Variants in GMDS observed in about 807,000 individuals in gnomAD.
GMDS encodes the protein GDP-mannose 4,6 dehydratase.
In GMDS, 20 loss-of-function variants were observed where a neutral mutation model predicts 49.9. The observed-to-expected ratio is 0.40, with a 90% CI of 0.28 to 0.58. The LOEUF (loss-of-function observed/expected upper bound fraction) is 0.58. Ranked by LOEUF, GMDS falls within the 20% of genes least tolerant of loss-of-function variation. GMDS has a pLI of 0.42. For missense variants in GMDS, 362 were observed against 481.4 expected (o/e 0.75, Z 2.32); for synonymous variants, 177 against 178.6 (o/e 0.99, Z 0.07).
At chr6:1,807,523 C>CA (rs1770230907) in intron 7 of GMDS, among the ~76,000 whole-genome samples, 2 of 152,164 alleles carry the variant, frequency 1.3e-5, no homozygotes, top group South Asian at 4.1e-4. Context: ...AAACTGTGTC[C>CA]ATTTTTCACC....
intron 7 of GMDS, among the ~76,000 whole-genome samples, chr6:1,907,454 G>A (rs1333311843): frequency 2.0e-5 from 3 of 152,178 alleles, no homozygotes; most frequent in Non-Finnish European, 4.4e-5. Context: ...TTTTGTTTAA[G>A]AAATCCCAAA....
intron 4 of GMDS, among the ~76,000 whole-genome samples, chr6:2,076,948 T>G (rs148431706): frequency 1.3e-5 from 2 of 152,192 alleles, no homozygotes; most frequent in African/African-American, 4.8e-5. Flanking sequence ...TGGGATATCT[T>G]TTCATTTGTT....
chr6:2,235,284 A>C (rs1266396113), intron 1 of GMDS, among the ~76,000 whole-genome samples: 1 of 152,214 alleles, frequency 6.6e-6, no homozygotes, highest in Non-Finnish European at 1.5e-5. Context: ...TCTTCAGGCC[A>C]ACTGAGACTA....
At chr6:1,811,264 C>G (rs114058009) in intron 7 of GMDS, among the ~76,000 whole-genome samples, 47 of 152,286 alleles carry the variant, frequency 3.1e-4, no homozygotes, top group African/African-American at 1.1e-3. Flanking sequence ...TAAAAGTCAT[C>G]TAAGAACATA....
intron 1 of GMDS, among the ~76,000 whole-genome samples, chr6:2,212,787 T>G (rs905953997): frequency 2.6e-5 from 4 of 151,782 alleles, no homozygotes; most frequent in African/African-American, 9.7e-5. Context: ...ATTTTTCACA[T>G]GTGCAGCTCG....
At chr6:1,892,679 T>C (rs1195279892) in intron 7 of GMDS, among the ~76,000 whole-genome samples, 1 of 152,166 alleles carries the variant, frequency 6.6e-6, no homozygotes, top group Non-Finnish European at 1.5e-5. Context: ...TTTAACTCCC[T>C]ATATGAATTA....
chr6:2,198,137 A>G (rs1561649819), intron 1 of GMDS, among the ~76,000 whole-genome samples: 1 of 152,234 alleles, frequency 6.6e-6, no homozygotes, highest in Non-Finnish European at 1.5e-5. Flanking sequence ...ACTGGAAGGG[A>G]GCCTGAGACC....
At chr6:1,789,930 C>T (rs1169273927) in intron 7 of GMDS, among the ~76,000 whole-genome samples, 1 of 152,140 alleles carries the variant, frequency 6.6e-6, no homozygotes, top group East Asian at 1.9e-4. Flanking sequence ...TAAATAATAT[C>T]ACACTTATAT....
chr6:1,858,150 C>T (rs753926540), intron 7 of GMDS, among the ~76,000 whole-genome samples: 6 of 152,042 alleles, frequency 3.9e-5, no homozygotes, highest in Non-Finnish European at 7.4e-5. Context: ...TATCTCAGTA[C>T]ATGGAATAAA....
At chr6:2,131,769 T>G (rs1370835279) in intron 1 of GMDS, among the ~76,000 whole-genome samples, 1 of 151,686 alleles carries the variant, frequency 6.6e-6, no homozygotes, top group Non-Finnish European at 1.5e-5. Flanking sequence ...AATACAAGCA[T>G]GCCCAAGGCA....
chr6:1,874,889 A>G (rs1758953431), intron 7 of GMDS, among the ~76,000 whole-genome samples: 1 of 152,214 alleles, frequency 6.6e-6, no homozygotes, highest in African/African-American at 2.4e-5. Flanking sequence ...ATACTGAATA[A>G]AATTGTTTTT....
In GMDS at chr6:1,940,333, G is replaced by C. The variant is rs974272107; in HGVS notation, c.644-10103C>G. 3.3e-5 allele frequency among the ~76,000 whole-genome samples: 5 copies of C among 152,190 alleles called. No homozygotes were observed. The East Asian group carries it at 9.6e-4, about 29-fold the overall frequency. ...AAAGATTTTTTTGGAGTTAGATAAA[G>C]TACAATGACAGTTTGGACAATATTC... On this transcript the variant is annotated intron_variant, in intron 6 of 10. Transcript: ENST00000380815.
chr6:2,040,580 T>G (rs1581558926), intron 4 of GMDS, among the ~76,000 whole-genome samples: 2 of 152,122 alleles, frequency 1.3e-5, no homozygotes, highest in East Asian at 3.8e-4. Context: ...ATTTTTAAAG[T>G]AAAATATATC....
chr6:1,925,029 T>C (rs1761924101), intron 7 of GMDS, among the ~76,000 whole-genome samples: 1 of 152,162 alleles, frequency 6.6e-6, no homozygotes, highest in Non-Finnish European at 1.5e-5. Flanking sequence ...TTTGTGCAAA[T>C]TGAATATTTG....
intron 8 of GMDS, among the ~76,000 whole-genome samples, chr6:1,739,516 G>A (rs1248805813): frequency 6.6e-6 from 1 of 152,250 alleles, no homozygotes; most frequent in Non-Finnish European, 1.5e-5. Context: ...TTTCAGTGGG[G>A]CTGCTCATCC....
At position 1,817,245 on chromosome 6, in the gene GMDS, C is replaced by T. The variant is rs1042511140; in HGVS notation, c.772-74659G>A. 5.9e-5 allele frequency among the ~76,000 whole-genome samples: 9 copies of T among 151,914 alleles called. No individual in the cohort carries two copies. In the South Asian group the frequency reaches 6.3e-4, roughly 11 times the overall value. On this transcript the variant is annotated intron_variant, in intron 7 of 10. Coordinates refer to ENST00000380815, the MANE Select transcript of GMDS (RefSeq NM_001500.4). The stretch of plus-strand genomic sequence containing the variant: ...ACTTGGCAAGGTTGAAAAACAGACT[C>T]GTCATAAGTGTGTAATGTCTTGAAC...
intron 1 of GMDS, among the ~76,000 whole-genome samples, chr6:2,166,769 T>C (rs142624970): frequency 6.6e-6 from 1 of 152,336 alleles, no homozygotes. Context: ...TTTCTTCACC[T>C]GCAAAAAATG....
At chr6:1,874,849 A>C (rs1168878575) in intron 7 of GMDS, among the ~76,000 whole-genome samples, 3 of 152,240 alleles carry the variant, frequency 2.0e-5, no homozygotes, top group African/African-American at 7.2e-5. Flanking sequence ...CGTAGTAATA[A>C]AGACACAGAT....
intron 7 of GMDS, among the ~76,000 whole-genome samples, chr6:1,879,663 T>A (rs964365607): frequency 3.3e-5 from 5 of 152,188 alleles, no homozygotes; most frequent in African/African-American, 1.2e-4. Context: ...TCCTCTGTGT[T>A]AAAGCAGTAT....
Sources: gnomAD v4.1 joint callset for allele counts (sites outside exome capture counted in the v4.1 genomes callset) on GRCh38, gnomAD v4.1.1 for gene constraint, MANE v1.5 for transcripts, NCBI Gene and HGNC (gene_info 2026-07-23, HGNC 2026-07-21) for gene names.